The following UMODL1 variants were observed in gnomAD, a reference collection of about 807,000 sequenced individuals.
UMODL1 encodes the protein uromodulin-like 1.
Under a neutral mutation model 136.3 loss-of-function variants are expected in UMODL1, and 128 were observed. The observed-to-expected ratio is 0.94, with a 90% confidence interval of 0.81 to 1.09. The LOEUF (loss-of-function observed/expected upper bound fraction) is 1.09, where lower values mean the gene tolerates loss of function less well. Among genes scored for constraint, UMODL1 ranks in the 50% least tolerant of loss-of-function variants. The pLI is 0.00. For missense variants in UMODL1, 1,766 were observed against 1,725.6 expected (o/e 1.02, Z -0.41); for synonymous variants, 721 against 720.0 (o/e 1.00, Z -0.02).
rs376231619 is a variant in UMODL1 at position 42,126,658 on chromosome 21, G to A, written c.3293+168G>A. Among the ~76,000 whole-genome samples the A allele has an allele frequency of 5.9e-5, 9 of 152,316 alleles. No homozygotes were observed. The East Asian group carries it at 1.5e-3, about 26-fold the overall frequency. On this transcript the variant is annotated intron_variant, in intron 18 of 22. Transcript: ENST00000408910. Reference sequence around the variant, plus strand: ...ATTTTGTTCCCTCTTCCCACTCAGGGCTAGCCAGAGAAGGCCAAATATGTC... The same window carrying A: ...ATTTTGTTCCCTCTTCCCACTCAGGACTAGCCAGAGAAGGCCAAATATGTC...
intron 1 of UMODL1, among the ~76,000 whole-genome samples, chr21:42,075,268 G>A (rs919882783): frequency 2.0e-5 from 3 of 151,446 alleles, no homozygotes; most frequent in Non-Finnish European, 4.4e-5. Flanking sequence ...CATGTTGGCC[G>A]GGCTGGTCTC....
intron 21 of UMODL1, among the ~76,000 whole-genome samples, chr21:42,135,808 T>A (rs2067198298): frequency 1.3e-5 from 2 of 152,172 alleles, no homozygotes; most frequent in Non-Finnish European, 2.9e-5. Flanking sequence ...AGCTGGCTTA[T>A]GTTCAGCACC....
chr21:42,096,045 T>C (rs1320388474), intron 6 of UMODL1, among the ~76,000 whole-genome samples: 1 of 152,180 alleles, frequency 6.6e-6, no homozygotes, highest in East Asian at 1.9e-4. Context: ...ACTGTGGACC[T>C]TAACTCATCA....
rs1033397670 is a variant in UMODL1 at position 42,088,399 on chromosome 21, C to A, written c.709C>A (p.Pro237Thr). The A allele has an allele frequency of 1.1e-5, 17 of 1,613,954 alleles. No individual in the cohort carries two copies. The highest frequency in any genetic ancestry group is 1.4e-5 in the Non-Finnish European group (17 of 1,180,014). The change falls in exon 5 of 23, where the codon CCA (proline) becomes ACA (threonine). Residue 237 changes from proline (P) to threonine (T), a missense_variant. By Grantham distance (38) the Pro-to-Thr change is conservative (BLOSUM62 -1). Coordinates refer to ENST00000408910, the MANE Select transcript of UMODL1 (RefSeq NM_001004416.3). ...GCGGCTGCTACTGGGCCTGCCACGG[C>A]CACTGCCTGTGGCTGACGTCTCCAC... ...VSRLLLGLPR[P>T]LPVADVSTLL...
At chr21:42,130,955 G>A (rs1239859106) in intron 21 of UMODL1, among the ~76,000 whole-genome samples, 1 of 151,904 alleles carries the variant, frequency 6.6e-6, no homozygotes, top group Non-Finnish European at 1.5e-5. Context: ...CAGGGACTAT[G>A]GGCACCCACC....
rs773459365 is a variant in UMODL1, at chr21:42,122,960, C to T, written c.2957C>T (p.Thr986Ile). The stretch of plus-strand genomic sequence containing the variant: ...GGCCTGCCCCAGCGGCTGAACCTGA[C>T]CGGAGCAGTCAGGGTGCTCTGTGAG... The part of the protein sequence containing the change: ...PQGLPQRLNL[T>I]GAVRVLCEIE... Residue 986 changes from threonine to isoleucine, a missense_variant, in exon 17 of 23, where the codon ACC (threonine) becomes ATC (isoleucine). By Grantham distance (89) the Thr-to-Ile change is moderately conservative (BLOSUM62 -1). Transcript: ENST00000408910. This position sits in a 1 kb window ranked among gnomAD's most constrained non-coding sequence, Gnocchi z 4.3. 2.5e-6 allele frequency: 4 copies of T among 1,614,074 alleles called. No individual in the cohort carries two copies. In the East Asian group the frequency reaches 8.9e-5, roughly 36 times the overall value.
intron 6 of UMODL1, among the ~76,000 whole-genome samples, chr21:42,095,089 G>GTTTTTTTGTT (rs1555922535): frequency 6.5e-5 from 4 of 61,186 alleles, no homozygotes; most frequent in Non-Finnish European, 1.2e-4. Context: ...TTCTTCTGCT[G>GTTTTTTTGTT]TTTTTTTTTT....
At chr21:42,079,943 T>C (rs1025229951) in intron 2 of UMODL1, among the ~76,000 whole-genome samples, 85 of 152,204 alleles carry the variant, frequency 5.6e-4, no homozygotes, top group Admixed American at 4.4e-3. Flanking sequence ...CGGAGTTCTT[T>C]CTCAGAAAGG....
At chr21:42,109,984 G>C (rs1186458202) in intron 10 of UMODL1, among the ~76,000 whole-genome samples, 2 of 152,366 alleles carry the variant, frequency 1.3e-5, no homozygotes, top group East Asian at 3.9e-4. Context: ...GAGGGGTGCA[G>C]GGGTCCATGA....
At chr21:42,086,502 G>A (rs937522131) in intron 4 of UMODL1, 4 of 455,416 alleles carry the variant, frequency 8.8e-6, no homozygotes, top group African/African-American at 4.0e-5. Context: ...AACAGCCCGG[G>A]CTAGGAGTGA....
At chr21:42,135,566 G>A (rs545434561) in intron 21 of UMODL1, among the ~76,000 whole-genome samples, 64 of 152,174 alleles carry the variant, frequency 4.2e-4, no homozygotes, top group Non-Finnish European at 7.9e-4. Context: ...TCCTCAGGGC[G>A]GCACCCCCCC....
At chr21:42,079,015 A>G (rs2146427710) in intron 2 of UMODL1, among the ~76,000 whole-genome samples, 1 of 152,290 alleles carries the variant, frequency 6.6e-6, no homozygotes, top group African/African-American at 2.4e-5. Context: ...TGCCACGGCA[A>G]CTCGGTTTAG....
chr21:42,082,286 G>A (rs1180043042), intron 2 of UMODL1, among the ~76,000 whole-genome samples: 5 of 152,158 alleles, frequency 3.3e-5, no homozygotes, highest in Non-Finnish European at 7.4e-5. Flanking sequence ...TGGGGGACCC[G>A]AGAGGCCAGT....
rs563916654 is a variant in UMODL1, at chr21:42,079,800, C to T, written c.319+3553C>T. Reference sequence around the variant, plus strand: ...AGGAAGGCAGGCTGGGGATGTGGACCGGGGCTCTCTGACCCCCAGGCAGAT... The same window carrying T: ...AGGAAGGCAGGCTGGGGATGTGGACTGGGGCTCTCTGACCCCCAGGCAGAT... On this transcript the variant is annotated intron_variant, in intron 2 of 22. Transcript: ENST00000408910. Among the ~76,000 whole-genome samples, 16 of 152,308 alleles carry T rather than the reference C, an allele frequency of 1.1e-4. 1 individual carries two copies. The highest frequency in any genetic ancestry group is 3.9e-4 in the East Asian group (2 of 5,188).
At chr21:42,120,502 T>C (rs2066955569) in intron 15 of UMODL1, 1 of 152,232 alleles carries the variant, frequency 6.6e-6, no homozygotes, top group Admixed American at 6.5e-5. Context: ...TATGCAATGA[T>C]GAGAATAGCG....
chr21:42,126,252 C>A, intron 17 of UMODL1, 93 bp from the exon 18 acceptor site: 2 of 1,544,688 alleles, frequency 1.3e-6, no homozygotes, highest in Non-Finnish European at 1.7e-6. Flanking sequence ...GAGAAGAACC[C>A]CCATCCCCCC....
Position 42,122,880 on chromosome 21 carries a change from C to T in UMODL1, c.2877C>T (p.Leu959=), listed in dbSNP as rs920604370. 6 of 1,611,964 alleles carry T rather than the reference C, an allele frequency of 3.7e-6. No homozygotes were observed. The African/African-American group carries it at 4.0e-5, about 11-fold the overall frequency. The change falls in exon 17 of 23, where the codon CTC becomes CTT. Residue 959 remains leucine, a synonymous_variant. Transcript: ENST00000408910. This position sits in a 1 kb window ranked among gnomAD's most constrained non-coding sequence, Gnocchi z 4.3. ...ETWATSPERP[L]TTAGTKAAFV... Reference sequence around the variant, plus strand: ...GGGCCACCAGCCCAGAGAGGCCTCTCACCACAGCAGGGACCAAGGCTGCCT... The same window carrying T: ...GGGCCACCAGCCCAGAGAGGCCTCTTACCACAGCAGGGACCAAGGCTGCCT...
At chr21:42,084,617 G>T (rs1423683362) in intron 3 of UMODL1, among the ~76,000 whole-genome samples, 2 of 152,102 alleles carry the variant, frequency 1.3e-5, no homozygotes, top group Non-Finnish European at 2.9e-5. Flanking sequence ...CACAGCACCC[G>T]TAGGCAGGCC....
At chr21:42,087,973 C>A (rs1213385361) in intron 4 of UMODL1, among the ~76,000 whole-genome samples, 1 of 152,188 alleles carries the variant, frequency 6.6e-6, no homozygotes, top group Non-Finnish European at 1.5e-5. Context: ...TTAGAACCCA[C>A]CTTCACTAAT....
Sources: allele counts gnomAD v4.1 joint callset (sites outside exome capture counted in the v4.1 genomes callset), GRCh38; gene constraint gnomAD v4.1.1; non-coding constraint Gnocchi (gnomAD v3.1); transcripts MANE v1.5; gene names NCBI Gene and HGNC (gene_info 2026-07-23, HGNC 2026-07-21).